The following DMRT1 variants were observed in gnomAD, a reference collection of about 807,000 sequenced individuals.
The protein encoded by DMRT1 is doublesex and mab-3 related transcription factor 1, also known as doublesex- and mab-3-related transcription factor 1.
DMRT1 carries 7 observed loss-of-function variants against 32.3 expected under a neutral mutation model. That is an observed-to-expected ratio of 0.22 (90% CI 0.12 to 0.41). The LOEUF (loss-of-function observed/expected upper bound fraction) is 0.41, where lower values mean the gene tolerates loss of function less well. Ranked by LOEUF, DMRT1 falls within the 10% of genes least tolerant of loss-of-function variation. The probability of loss-of-function intolerance (pLI) is 1.00; values close to 1 mark genes in which losing one functional copy is unlikely to be tolerated. For synonymous variants in DMRT1, 278 were observed against 206.1 expected, an observed-to-expected ratio of 1.35 and a Z score of -2.99; for missense variants, 625 against 500.5, an observed-to-expected ratio of 1.25 and a Z score of -2.37.
At chr9:892,551 C>G (rs770320316) in intron 2 of DMRT1, among the ~76,000 whole-genome samples, 1 of 152,176 alleles carries the variant, frequency 6.6e-6, no homozygotes, top group Admixed American at 6.5e-5. Flanking sequence ...ACAGGCTCCT[C>G]TCTTACATTT....
chr9:952,042 G>A (rs1819444479), intron 4 of DMRT1, among the ~76,000 whole-genome samples: 1 of 152,178 alleles, frequency 6.6e-6, no homozygotes, highest in Admixed American at 6.5e-5. Context: ...AATAGATGAG[G>A]AATTGAGGCT....
chr9:891,810 C>T (rs1338215000), intron 2 of DMRT1, among the ~76,000 whole-genome samples: 1 of 152,124 alleles, frequency 6.6e-6, no homozygotes, highest in Non-Finnish European at 1.5e-5. Flanking sequence ...AGGCGTGGGC[C>T]ACCGTGCCTG....
intron 2 of DMRT1, among the ~76,000 whole-genome samples, chr9:882,760 C>CTT (rs1010078425): frequency 0.016 from 1,944 of 118,346 alleles, 63 homozygotes; most frequent in African/African-American, 0.026. Flanking sequence ...TCCCCTGAAT[C>CTT]TTTTTTTTTT....
chr9:856,729 G>GT (rs1214601497), intron 2 of DMRT1, among the ~76,000 whole-genome samples: 1 of 152,132 alleles, frequency 6.6e-6, no homozygotes, highest in Non-Finnish European at 1.5e-5. Flanking sequence ...ATGAATGTAT[G>GT]TTTCATTCTC....
At chr9:905,903 C>T (rs975177070) in intron 3 of DMRT1, among the ~76,000 whole-genome samples, 2 of 152,130 alleles carry the variant, frequency 1.3e-5, no homozygotes, top group East Asian at 3.9e-4. Context: ...AGAGGCACCT[C>T]TGTTCCCGTG....
At chr9:870,406 C>CAACAAT (rs1554747351) in intron 2 of DMRT1, among the ~76,000 whole-genome samples, 1 of 95,878 alleles carries the variant, frequency 1.0e-5, no homozygotes, top group African/African-American at 2.8e-5. Flanking sequence ...TCTCAAAAAA[C>CAACAAT]AACAACAATA....
At chr9:845,219 TA>T (rs1838855411) in intron 1 of DMRT1, among the ~76,000 whole-genome samples, 1 of 152,082 alleles carries the variant, frequency 6.6e-6, no homozygotes, top group South Asian at 2.1e-4. Flanking sequence ...TTTATTTATT[TA>T]TTTTTTTGAG....
At chr9:955,339 A>G (rs907229454) in intron 4 of DMRT1, among the ~76,000 whole-genome samples, 2 of 152,244 alleles carry the variant, frequency 1.3e-5, no homozygotes, top group African/African-American at 2.4e-5. Flanking sequence ...GTAATAAAAT[A>G]GAGACAGGAC....
intron 3 of DMRT1, among the ~76,000 whole-genome samples, chr9:907,175 A>C (rs968993650): frequency 6.6e-6 from 1 of 152,192 alleles, no homozygotes; most frequent in Non-Finnish European, 1.5e-5. Flanking sequence ...CATGTGAGAG[A>C]GTGGAGCGTG....
At position 968,489 on chromosome 9, in the gene DMRT1, A is replaced by C; in HGVS notation, c.*350A>C. ...CTAATTAGATGTTACTTTTAGTTTT[A>C]AAATGAAATCTTAGGTGCCTTAGGG... On this transcript the variant is annotated 3_prime_UTR_variant, in exon 5 of 5. Transcript: ENST00000382276. The C allele has an allele frequency of 1.1e-5, 2 of 177,400 alleles. No homozygotes were observed. Among genetic ancestry groups the C allele is most frequent in the South Asian group, 2.6e-4 (2 of 7,648 alleles). The allele number at this position is 177,400 out of a possible 1,614,324, so 11.0% of individuals were successfully genotyped here.
intron 2 of DMRT1, among the ~76,000 whole-genome samples, chr9:891,971 CCTT>C: frequency 6.6e-6 from 1 of 152,196 alleles, no homozygotes; most frequent in Non-Finnish European, 1.5e-5. Context: ...AGGCTGGGTG[CCTT>C]CTTGCTGGAT....
chr9:869,315 C>G (rs528416170), intron 2 of DMRT1, among the ~76,000 whole-genome samples: 23 of 152,110 alleles, frequency 1.5e-4, no homozygotes, highest in Middle Eastern at 3.4e-3. Flanking sequence ...AAATGTGGCT[C>G]AAGGCATTGG....
chr9:881,107 A>G (rs1686402556), intron 2 of DMRT1, among the ~76,000 whole-genome samples: 1 of 150,664 alleles, frequency 6.6e-6, no homozygotes, highest in Admixed American at 6.6e-5. Context: ...GGAATTCTAT[A>G]GACCCCCCCC....
In DMRT1 at chr9:880,585, G is replaced by A. The variant is rs185208045; in HGVS notation, c.539-13327G>A. On this transcript the variant is annotated intron_variant, in intron 2 of 4. Transcript: ENST00000382276. ...CTACTAAAAATACAAAATTGCCTGG[G>A]CATGGTGGCGCATGCCTGTAATCCC... Among the ~76,000 whole-genome samples, 990 of 152,008 alleles carry A rather than the reference G, an allele frequency of 6.5e-3. 11 individuals are homozygous for A. Among genetic ancestry groups the A allele is most frequent in the Non-Finnish European group, 0.011 (720 of 67,972 alleles).
In DMRT1 at chr9:862,150, C is replaced by T. The variant is rs936197869; in HGVS notation, c.538+15007C>T. Reference sequence around the variant, plus strand: ...CAGCACTTTGGGAGGCCAAGGCAGGCGGCTGGGAGGTGGAGGTTGTAGCGA... The same window carrying T: ...CAGCACTTTGGGAGGCCAAGGCAGGTGGCTGGGAGGTGGAGGTTGTAGCGA... On this transcript the variant is annotated intron_variant, in intron 2 of 4. Transcript: ENST00000382276. 3.7e-4 allele frequency among the ~76,000 whole-genome samples: 55 copies of T among 150,082 alleles called. 2 individuals are homozygous for T. The highest frequency in any genetic ancestry group is 1.3e-3 in the African/African-American group (53 of 41,102).
At chr9:891,417 C>A (rs1363043454) in intron 2 of DMRT1, among the ~76,000 whole-genome samples, 1 of 151,912 alleles carries the variant, frequency 6.6e-6, no homozygotes, top group Non-Finnish European at 1.5e-5. Context: ...TACCACTGCA[C>A]TCCAGCCTGG....
chr9:960,476 A>T (rs1353311487), intron 4 of DMRT1, among the ~76,000 whole-genome samples: 1 of 152,240 alleles, frequency 6.6e-6, no homozygotes, highest in East Asian at 1.9e-4. Flanking sequence ...AATAATGAGT[A>T]ACAAGTGTAT....
intron 3 of DMRT1, among the ~76,000 whole-genome samples, chr9:899,678 C>T (rs1586587923): frequency 6.6e-6 from 1 of 152,208 alleles, no homozygotes; most frequent in Non-Finnish European, 1.5e-5. Context: ...TAATTGCCTG[C>T]AAAAGCTGTT....
intron 2 of DMRT1, among the ~76,000 whole-genome samples, chr9:864,721 C>G (rs1342224075): frequency 1.3e-5 from 2 of 150,340 alleles, no homozygotes; most frequent in African/African-American, 4.9e-5. Context: ...AGGATGGTCT[C>G]CATCTCCTAA....
Sources: gnomAD v4.1 joint callset for allele counts (sites outside exome capture counted in the v4.1 genomes callset) on GRCh38, gnomAD v4.1.1 for gene constraint, MANE v1.5 for transcripts, NCBI Gene and HGNC (gene_info 2026-07-23, HGNC 2026-07-21) for gene names.